The following NAV2 variants were observed in gnomAD, a reference collection of about 807,000 sequenced individuals.
The protein encoded by NAV2 is neuron navigator 2.
NAV2 carries 54 observed loss-of-function variants against 223.2 expected under a neutral mutation model. That is an observed-to-expected ratio of 0.24 (90% CI 0.19 to 0.30). The LOEUF is 0.30. NAV2 is among the 10% of genes least tolerant of loss of function. The pLI, the probability that NAV2 is intolerant of heterozygous loss-of-function variation, is 1.00. For missense variants in NAV2, 2,806 were observed against 3,147.5 expected, an observed-to-expected ratio of 0.89 and a Z score of 2.60; for synonymous variants, 1,279 against 1,239.3, an observed-to-expected ratio of 1.03 and a Z score of -0.67.
chr11:19,739,935 G>A (rs999460605), intron 1 of NAV2, among the ~76,000 whole-genome samples: 1 of 152,128 alleles, frequency 6.6e-6, no homozygotes, highest in Non-Finnish European at 1.5e-5. Context: ...TTTCACAGTA[G>A]ATCTGAAGAG....
At chr11:19,550,393 T>C (rs1470498455) in intron 1 of NAV2, among the ~76,000 whole-genome samples, 1 of 152,204 alleles carries the variant, frequency 6.6e-6, no homozygotes, top group Non-Finnish European at 1.5e-5. Context: ...AGAACCCGAA[T>C]ACTTGAAACT....
chr11:19,357,995 A>T (rs1055999492), intron 1 of NAV2, among the ~76,000 whole-genome samples: 2 of 152,198 alleles, frequency 1.3e-5, no homozygotes, highest in Admixed American at 6.5e-5. Flanking sequence ...GGTTACCTAG[A>T]GGTGGGTTAC....
At chr11:19,375,181 A>G (rs1180413255) in intron 1 of NAV2, among the ~76,000 whole-genome samples, 1 of 152,216 alleles carries the variant, frequency 6.6e-6, no homozygotes, top group Non-Finnish European at 1.5e-5. Context: ...TGTGGCAGCC[A>G]ATTGTTCTTT....
chr11:19,496,668 A>G (rs750422822), intron 1 of NAV2, among the ~76,000 whole-genome samples: 14 of 152,198 alleles, frequency 9.2e-5, no homozygotes, highest in Non-Finnish European at 1.6e-4. Flanking sequence ...GTTCAGGGTG[A>G]ACAGTGCTAC....
intron 1 of NAV2, among the ~76,000 whole-genome samples, chr11:19,770,145 A>T (rs2055590471): frequency 6.6e-6 from 1 of 152,252 alleles, no homozygotes; most frequent in Non-Finnish European, 1.5e-5. Context: ...ATACAAAACC[A>T]GAACAGAGGG....
chr11:20,056,492 T>C (rs750187680), intron 19 of NAV2: 16 of 1,368,800 alleles, frequency 1.2e-5, no homozygotes, highest in South Asian at 8.1e-5. Flanking sequence ...CTGAGAATAT[T>C]TGGGGTTGGA....
intron 31 of NAV2, among the ~76,000 whole-genome samples, chr11:20,099,797 A>C (rs2061503446): frequency 6.6e-6 from 1 of 152,160 alleles, no homozygotes; most frequent in Non-Finnish European, 1.5e-5. Context: ...AGAGCAGTAC[A>C]TATATATACA....
intron 1 of NAV2, among the ~76,000 whole-genome samples, chr11:19,783,712 C>A (rs1274517209): frequency 6.6e-6 from 1 of 152,082 alleles, no homozygotes; most frequent in East Asian, 1.9e-4. Flanking sequence ...TTTCTCTGAG[C>A]CCCAGTTTCT....
chr11:19,930,262 G>A (rs1180907621), intron 6 of NAV2, among the ~76,000 whole-genome samples: 7 of 152,046 alleles, frequency 4.6e-5, no homozygotes, highest in African/African-American at 7.2e-5. Flanking sequence ...GTTTTCTTCT[G>A]GGTCAGTTAT....
chr11:19,477,200 G>A (rs570281683), intron 1 of NAV2, among the ~76,000 whole-genome samples: 1 of 152,276 alleles, frequency 6.6e-6, no homozygotes, highest in South Asian at 2.1e-4. Context: ...GCATTGATGA[G>A]GGTATTGCTA....
intron 1 of NAV2, among the ~76,000 whole-genome samples, chr11:19,382,538 C>T (rs758468905): frequency 5.3e-5 from 8 of 152,174 alleles, no homozygotes; most frequent in South Asian, 4.1e-4. Context: ...CTTTGCTTCA[C>T]GGCAACAACA....
chr11:20,014,489 A>G (rs189564342), intron 11 of NAV2, among the ~76,000 whole-genome samples: 1 of 152,204 alleles, frequency 6.6e-6, no homozygotes, highest in Non-Finnish European at 1.5e-5. Flanking sequence ...GTATTTGGTC[A>G]TGTCTGTAAT....
chr11:19,860,389 G>T (rs1446818632), intron 3 of NAV2, among the ~76,000 whole-genome samples: 2 of 149,288 alleles, frequency 1.3e-5, no homozygotes, highest in African/African-American at 2.5e-5. Flanking sequence ...TCACATCCCG[G>T]ACGGGGCGAC....
intron 10 of NAV2, among the ~76,000 whole-genome samples, chr11:19,968,948 G>A (rs1181025985): frequency 6.6e-6 from 1 of 152,072 alleles, no homozygotes; most frequent in African/African-American, 2.4e-5. Flanking sequence ...CAGGCTGGCT[G>A]GGTTGCCTGG....
chr11:19,732,264 A>G (rs1273858463), intron 1 of NAV2, among the ~76,000 whole-genome samples: 1 of 151,764 alleles, frequency 6.6e-6, no homozygotes, highest in Non-Finnish European at 1.5e-5. Flanking sequence ...GTCTCAAGAA[A>G]AAAAAAAAAA....
chr11:20,111,281 G>C (rs754037818), intron 36 of NAV2, among the ~76,000 whole-genome samples: 1 of 152,126 alleles, frequency 6.6e-6, no homozygotes, highest in Non-Finnish European at 1.5e-5. Flanking sequence ...CATTTTTCCT[G>C]ACCCAGTGGG....
intron 36 of NAV2, among the ~76,000 whole-genome samples, chr11:20,109,477 A>G (rs547776977): frequency 1.2e-3 from 183 of 152,234 alleles, no homozygotes; most frequent in African/African-American, 4.2e-3. Context: ...TCCTTAATCA[A>G]ATGGTTTTGT....
chr11:20,062,734 G>T (rs939073245), intron 20 of NAV2, among the ~76,000 whole-genome samples: 50 of 152,086 alleles, frequency 3.3e-4, no homozygotes, highest in African/African-American at 1.2e-3. Flanking sequence ...TCCCTCTGTT[G>T]CCCAGGCTGG....
chr11:19,775,233 C>T, intron 1 of NAV2, among the ~76,000 whole-genome samples: 1 of 152,180 alleles, frequency 6.6e-6, no homozygotes, highest in East Asian at 1.9e-4. Flanking sequence ...ATGACACATG[C>T]TCTCTCATTT....
Sources: allele counts gnomAD v4.1 joint callset (sites outside exome capture counted in the v4.1 genomes callset), GRCh38; gene constraint gnomAD v4.1.1; transcripts MANE v1.5; gene names NCBI Gene and HGNC (gene_info 2026-07-23, HGNC 2026-07-21).